The following WFS1 variants were observed in gnomAD, a reference collection of about 807,000 sequenced individuals.
The protein encoded by WFS1 is wolframin ER transmembrane glycoprotein, also known as wolframin.
A neutral mutation model predicts 68.5 loss-of-function variants in WFS1; 90 were observed. The ratio of observed to expected loss-of-function variants is 1.31; its 90% confidence interval spans 1.11 to 1.56. The LOEUF (loss-of-function observed/expected upper bound fraction) is 1.56, where lower values mean the gene tolerates loss of function less well. WFS1 is among the 40% of genes most tolerant of loss of function. The pLI, the probability that WFS1 is intolerant of heterozygous loss-of-function variation, is 0.00. For synonymous variants in WFS1, 860 were observed against 540.7 expected, an observed-to-expected ratio of 1.59 and a Z score of -8.19; for missense variants, 1,767 against 1,232.6, an observed-to-expected ratio of 1.43 and a Z score of -6.49.
intron 1 of WFS1, among the ~76,000 whole-genome samples, chr4:6,272,858 CT>C (rs1321421758): frequency 2.0e-5 from 3 of 152,176 alleles, no homozygotes; most frequent in African/African-American, 7.2e-5. Flanking sequence ...CCACCTTTTC[CT>C]TGTCTCAAAA....
In WFS1 at chr4:6,283,329, A is replaced by G. The variant is rs533928490; in HGVS notation, c.233-3764A>G. ...TTGATAGGCAGACTTTCAAAGAATG[A>G]GTTAGATTCAGGACCCTTTTAGTTG... On this transcript the variant is annotated intron_variant, in intron 2 of 7. Coordinates refer to ENST00000226760, the MANE Select transcript of WFS1 (RefSeq NM_006005.3). This position sits in a 1 kb window ranked among gnomAD's most constrained non-coding sequence, Gnocchi z 5.0. 6.6e-6 allele frequency among the ~76,000 whole-genome samples: 1 copy of G among 152,354 alleles called. No homozygotes were observed. The highest frequency in any genetic ancestry group is 1.9e-4 in the East Asian group (1 of 5,182).
chr4:6,298,457 G>A (rs1304104054), intron 7 of WFS1, among the ~76,000 whole-genome samples: 1 of 150,966 alleles, frequency 6.6e-6, no homozygotes, highest in Non-Finnish European at 1.5e-5. Flanking sequence ...GAGAGCTAGG[G>A]GAGCTGTTAG....
At chr4:6,279,201 C>T (rs1382361779) in intron 2 of WFS1, among the ~76,000 whole-genome samples, 2 of 152,138 alleles carry the variant, frequency 1.3e-5, no homozygotes, top group East Asian at 1.9e-4. Flanking sequence ...GCAGCTGCTG[C>T]GAGAATCTGT....
chr4:6,291,167 C>G (rs778271617), intron 4 of WFS1, 30 bp from the exon 5 acceptor site: 14 of 1,609,922 alleles, frequency 8.7e-6, no homozygotes, highest in Non-Finnish European at 1.2e-5. Context: ...GCAGGGCACA[C>G]AAGGCCTTTG....
chr4:6,286,975 G>A (rs1730328215), intron 2 of WFS1, 118 bp from the exon 3 acceptor site: 3 of 921,060 alleles, frequency 3.3e-6, no homozygotes, highest in Non-Finnish European at 3.5e-6. Flanking sequence ...CTCCTGGCCT[G>A]GATTTGAAAG....
chr4:6,272,691 A>G (rs1045647695), intron 1 of WFS1, among the ~76,000 whole-genome samples: 1 of 152,232 alleles, frequency 6.6e-6, no homozygotes, highest in African/African-American at 2.4e-5. Flanking sequence ...AGAAGAATAA[A>G]ATGAAACCGC....
At chr4:6,288,626 C>G (rs577259776) in intron 3 of WFS1, 32 of 364,798 alleles carry the variant, frequency 8.8e-5, no homozygotes, top group African/African-American at 6.0e-4. Flanking sequence ...CTATGGTCCC[C>G]TGACTGTTTT....
In WFS1 at chr4:6,301,485, T is replaced by C; in HGVS notation, c.1690T>C (p.Phe564Leu). The C allele has an allele frequency of 6.2e-7, 1 of 1,613,036 alleles. No individual in the cohort carries two copies. The highest frequency in any genetic ancestry group is 2.2e-5 in the East Asian group (1 of 44,878). The change falls in exon 8 of 8, where the codon TTC (phenylalanine) becomes CTC (leucine). Residue 564 changes from phenylalanine (F) to leucine (L), a missense_variant. Physicochemically the swap from Phe to Leu is conservative, Grantham distance 22. Coordinates refer to ENST00000226760, the MANE Select transcript of WFS1 (RefSeq NM_006005.3). ...LGLLRASIGY[F>L]LFLFALPILV... ...GCTGCTCCGCGCCTCCATCGGCTACTTCCTCTTCCTCTTTGCCCTCCCCAT... is the reference window on the plus strand; with the variant it reads ...GCTGCTCCGCGCCTCCATCGGCTACCTCCTCTTCCTCTTTGCCCTCCCCAT...
rs71532863 is a variant in WFS1 at position 6,301,944 on chromosome 4, G to A, written c.2149G>A (p.Glu717Lys). The stretch of plus-strand genomic sequence containing the variant: ...CGTGACTGACATCGACAACAGCGCC[G>A]AGTCTGCCATCAACATGCTCCCGTT... ...VRVTDIDNSA[E>K]SAINMLPFFI... Residue 717 changes from glutamate to lysine, a missense_variant, in exon 8 of 8, where the codon GAG (glutamate) becomes AAG (lysine). Coordinates refer to ENST00000226760, the MANE Select transcript of WFS1 (RefSeq NM_006005.3). 3.1e-5 allele frequency: 50 copies of A among 1,612,704 alleles called. No homozygotes were observed. The highest frequency in any genetic ancestry group is 5.0e-5 in the Admixed American group (3 of 59,982).
Position 6,277,431 on chromosome 4 carries a change from G to C in WFS1, c.-5-20G>C. The C allele has an allele frequency of 1.3e-6, 2 of 1,549,588 alleles. No individual in the cohort carries two copies. The highest frequency in any genetic ancestry group is 1.7e-6 in the Non-Finnish European group (2 of 1,146,224). ...GGCTCTGCCGGTGCTGGATGTGCCT[G>C]ACCTTGACTTTTCTTCCAGGCAGGA... is the stretch of plus-strand genomic sequence containing the variant. On this transcript the variant is annotated intron_variant, in intron 1 of 7. Transcript: ENST00000226760.
In WFS1 at chr4:6,302,495, G is replaced by T; in HGVS notation, c.*27G>T. On this transcript the variant is annotated 3_prime_UTR_variant, in exon 8 of 8. Transcript: ENST00000226760. ...GATGGTCCGCCACGAGGAGCTTCCA[G>T]TGCATGTTGCCATGAGGCCTTTCCC... is the stretch of plus-strand genomic sequence containing the variant. 1.2e-6 allele frequency: 2 copies of T among 1,611,358 alleles called. No individual in the cohort carries two copies. Among genetic ancestry groups the T allele is most frequent in the Non-Finnish European group, 1.7e-6 (2 of 1,179,946 alleles).
At position 6,302,624 on chromosome 4, in the gene WFS1, C is replaced by T. The variant is rs2109128291; in HGVS notation, c.*156C>T. On this transcript the variant is annotated 3_prime_UTR_variant, in exon 8 of 8. Transcript: ENST00000226760. ...CGACCATGTGTAGATTGCGTGGACC[C>T]CGACAAAGGGAAGGCTGCTGTGTAG... is the stretch of plus-strand genomic sequence containing the variant. The T allele has an allele frequency of 9.6e-7, 1 of 1,037,982 alleles. No individual in the cohort carries two copies. The highest frequency in any genetic ancestry group is 1.4e-6 in the Non-Finnish European group (1 of 721,054). 64.3% of individuals were successfully genotyped at this position (1,037,982 alleles called of 1,614,324 possible). A position where few individuals can be genotyped will look rare whatever the true frequency, so the allele number is the denominator to read the frequency against.
chr4:6,300,622 C>T (rs1578608082), intron 7 of WFS1, 35 bp from the exon 8 acceptor site: 1 of 1,613,456 alleles, frequency 6.2e-7, no homozygotes, highest in Non-Finnish European at 8.5e-7. Context: ...GGGGTCCTGT[C>T]CCAGCCTCGT....
At chr4:6,285,763 G>A (rs577925797) in intron 2 of WFS1, among the ~76,000 whole-genome samples, 1 of 152,188 alleles carries the variant, frequency 6.6e-6, no homozygotes, top group Non-Finnish European at 1.5e-5. Context: ...AGCCTGGCAC[G>A]GTATGGTTCT....
intron 4 of WFS1, among the ~76,000 whole-genome samples, chr4:6,290,869 C>T (rs970357664): frequency 6.6e-6 from 1 of 152,194 alleles, no homozygotes; most frequent in Non-Finnish European, 1.5e-5. Flanking sequence ...ACTGTGTGAC[C>T]TTGAGTGAGC....
chr4:6,295,012 C>G (rs779063177), intron 6 of WFS1, 29 bp from the exon 7 acceptor site: 1 of 1,612,710 alleles, frequency 6.2e-7, no homozygotes, highest in Non-Finnish European at 8.5e-7. Context: ...CAGTGTGGGG[C>G]GCCCATGCTG....
chr4:6,277,389 C>T, intron 1 of WFS1, 62 bp from the exon 2 acceptor site: 7 of 1,472,882 alleles, frequency 4.8e-6, no homozygotes, highest in Admixed American at 2.0e-5. Context: ...CTCCAGCAGA[C>T]ACTAAGTGCC....
In WFS1 at chr4:6,301,830, A is replaced by C. The variant is rs780983489; in HGVS notation, c.2035A>C (p.Lys679Gln). The change falls in exon 8 of 8, where the codon AAG (lysine) becomes CAG (glutamine). Residue 679 changes from lysine to glutamine, a missense_variant. Lys to Gln is a moderately conservative substitution (Grantham distance 53, BLOSUM62 1). Coordinates refer to ENST00000226760, the MANE Select transcript of WFS1 (RefSeq NM_006005.3). ...YGALCGPRAW[K>Q]ETNMARTQIL... Reference sequence around the variant, plus strand: ...TGCGCTGTGCGGGCCACGCGCCTGGAAGGAGACCAACATGGCGCGCACCCA... The same window carrying C: ...TGCGCTGTGCGGGCCACGCGCCTGGCAGGAGACCAACATGGCGCGCACCCA... 25 of 1,613,046 alleles carry C rather than the reference A, an allele frequency of 1.5e-5. No individual in the cohort carries two copies. The African/African-American group carries it at 2.8e-4, about 18-fold the overall frequency.
chr4:6,271,407 G>A (rs1404271470), intron 1 of WFS1, among the ~76,000 whole-genome samples: 2 of 152,200 alleles, frequency 1.3e-5, no homozygotes, highest in African/African-American at 4.8e-5. Context: ...ACCAGTGCTG[G>A]ACAGGCTTCT....
Sources: gnomAD v4.1 joint callset for allele counts (sites outside exome capture counted in the v4.1 genomes callset) on GRCh38, gnomAD v4.1.1 for gene constraint, Gnocchi (gnomAD v3.1) non-coding constraint, MANE v1.5 for transcripts, NCBI Gene and HGNC (gene_info 2026-07-23, HGNC 2026-07-21) for gene names.